Variants in TRMT61A observed in about 807,000 individuals in gnomAD.
The protein encoded by TRMT61A is tRNA methyltransferase 61A, also known as tRNA (adenine(58)-N(1))-methyltransferase catalytic subunit TRMT61A.
In TRMT61A, 15 loss-of-function variants were observed where a neutral mutation model predicts 21.3. The ratio of observed to expected loss-of-function variants is 0.70; its 90% CI spans 0.47 to 1.08. TRMT61A has a LOEUF of 1.08. Ranked by LOEUF, TRMT61A falls within the 50% of genes least tolerant of loss-of-function variation. TRMT61A has a pLI of 0.00. For missense variants in TRMT61A, 352 were observed against 426.7 expected (o/e 0.83, Z 1.54); for synonymous variants, 183 against 185.5 (o/e 0.99, Z 0.11).
At position 103,535,220 on chromosome 14, in the gene TRMT61A, G is replaced by T. The variant is rs1378487622; in HGVS notation, c.*399G>T. ...AGACCACGCTGCGTCTGACCCCTGG[G>T]CCCCCACGGCCCTGGCTGCCCCACG... On this transcript the variant is annotated 3_prime_UTR_variant, in exon 4 of 4. Coordinates refer to ENST00000389749, the MANE Select transcript of TRMT61A (RefSeq NM_152307.3). 2 of 472,260 alleles carry T rather than the reference G, an allele frequency of 4.2e-6. No individual in the cohort carries two copies. Among genetic ancestry groups the T allele is most frequent in the Non-Finnish European group, 8.4e-6 (2 of 238,340 alleles). The allele number at this position is 472,260 out of a possible 1,614,324, so 29.3% of individuals were successfully genotyped here.
intron 3 of TRMT61A, among the ~76,000 whole-genome samples, chr14:103,533,783 G>A (rs866707006): frequency 1.3e-5 from 2 of 152,224 alleles, no homozygotes; most frequent in Admixed American, 6.5e-5. Context: ...TGCCGGCCAC[G>A]GGAGCCCGCT....
In TRMT61A at chr14:103,533,235, G is replaced by A. The variant is rs77365779; in HGVS notation, c.598+387G>A. ...CCCTTTTAGGGAAGATGCTGGGTGC[G>A]GAGGCGGGGCAGCCCTGGGGAAGGT... On this transcript the variant is annotated intron_variant, in intron 3 of 3. Transcript: ENST00000389749. 4.7e-3 allele frequency among the ~76,000 whole-genome samples: 714 copies of A among 152,364 alleles called. 7 individuals are homozygous for A. Among genetic ancestry groups the A allele is most frequent in the African/African-American group, 0.016 (664 of 41,590 alleles).
At chr14:103,530,696 C>A (rs188033302) in intron 2 of TRMT61A, among the ~76,000 whole-genome samples, 1 of 152,340 alleles carries the variant, frequency 6.6e-6, no homozygotes, top group African/African-American at 2.4e-5. Flanking sequence ...AGGGCTACCC[C>A]GAGGAGCTCA....
Position 103,532,842 on chromosome 14 carries a change from G to A in TRMT61A, c.592G>A (p.Val198Ile), listed in dbSNP as rs2075959464. ...GGGCCACGCCTGGGACGCCCTCAAG[G>A]TCGAAGGTGCATCCGGGGTTCCGGG... ...AVGHAWDALK[V>I]EGGRFCSFSP... is the part of the protein sequence containing the mutation. The change falls in exon 3 of 4, where the codon GTC becomes ATC. Residue 198 changes from valine to isoleucine, a missense_variant. Physicochemically the swap from Val to Ile is conservative, Grantham distance 29 (BLOSUM62 3). Transcript: ENST00000389749. 1 of 1,552,536 alleles carries A rather than the reference G, an allele frequency of 6.4e-7. No individual in the cohort carries two copies. The highest frequency in any genetic ancestry group is 1.9e-5 in the Admixed American group (1 of 52,300).
intron 3 of TRMT61A, 107 bp downstream of exon 3, chr14:103,532,955 G>GGCAGTGGCCAGGCCAGGGCCCC: frequency 7.1e-7 from 1 of 1,406,928 alleles, no homozygotes; most frequent in South Asian, 1.5e-5. Flanking sequence ...GCCACACCAT[G>GGCAGTGGCCAGGCCAGGGCCCC]GCAGTGGCCA....
In TRMT61A at chr14:103,535,394, C is replaced by T; in HGVS notation, c.*573C>T. ...CCCAGGAACCAGGGAGGTGACCCTG[C>T]TCTCTGGCCTCCTGGCTGATGTCAC... On this transcript the variant is annotated 3_prime_UTR_variant, in exon 4 of 4. Coordinates refer to ENST00000389749, the MANE Select transcript of TRMT61A (RefSeq NM_152307.3). The T allele has an allele frequency of 2.2e-6, 1 of 454,662 alleles. No individual in the cohort carries two copies. Among genetic ancestry groups the T allele is most frequent in the Non-Finnish European group, 4.4e-6 (1 of 226,030 alleles). 28.2% of individuals were successfully genotyped at this position (454,662 alleles called of 1,614,324 possible). A position where few individuals can be genotyped will look rare whatever the true frequency, so the allele number is the denominator to read the frequency against.
Position 103,530,105 on chromosome 14 carries a change from C to T in TRMT61A, c.127C>T (p.Leu43=). The T allele has an allele frequency of 5.6e-6, 9 of 1,612,996 alleles. No individual in the cohort carries two copies. Among genetic ancestry groups the T allele is most frequent in the Non-Finnish European group, 7.6e-6 (9 of 1,180,026 alleles). Residue 43 remains leucine, a synonymous_variant, in exon 2 of 4, where the codon CTG becomes TTG. Transcript: ENST00000389749. The part of the protein sequence containing the change: ...GAQTQTRHGV[L]RHSVDLIGRP... ...ACAGACCCAGACCCGGCATGGTGTC[C>T]TGCGGCACTCAGTTGACCTTATCGG...
rs1360026528 is a variant in TRMT61A, at chr14:103,530,195, C to G, written c.217C>G (p.Pro73Ala). The stretch of plus-strand genomic sequence containing the variant: ...CTGGGTGTATGTGCTGCACCCCACG[C>G]CCGAGCTCTGGACGCTGAACCTGCC... Reference protein sequence around the residue: ...GGWVYVLHPTPELWTLNLPHR... With the variant: ...GGWVYVLHPTAELWTLNLPHR... Residue 73 changes from proline (P) to alanine (A), a missense_variant, in exon 2 of 4, where the codon CCC becomes GCC. Physicochemically the swap from Pro to Ala is conservative, Grantham distance 27 (BLOSUM62 -1). Transcript: ENST00000389749. 6.2e-7 allele frequency: 1 copy of G among 1,612,336 alleles called. No individual in the cohort carries two copies. Among genetic ancestry groups the G allele is most frequent in the Non-Finnish European group, 8.5e-7 (1 of 1,179,644 alleles).
At position 103,534,812 on chromosome 14, in the gene TRMT61A, C is replaced by T. The variant is rs1024854745; in HGVS notation, c.861C>T (p.Thr287=). ...GCTACCTGACCTTCGCCACCAAGAC[C>T]CCAGGCTAGGGGGCCGCCTCCCAGG... is the stretch of plus-strand genomic sequence containing the variant. ...HTGYLTFATK[T]PG The change falls in exon 4 of 4, where the codon ACC becomes ACT. Residue 287 remains threonine, a synonymous_variant. Coordinates refer to ENST00000389749, the MANE Select transcript of TRMT61A (RefSeq NM_152307.3). 1 of 1,551,346 alleles carries T rather than the reference C, an allele frequency of 6.4e-7. No individual in the cohort carries two copies. Among genetic ancestry groups the T allele is most frequent in the Non-Finnish European group, 8.7e-7 (1 of 1,151,442 alleles).
Position 103,532,681 on chromosome 14 carries a change from C to T in TRMT61A, c.431C>T (p.Ala144Val), listed in dbSNP as rs762768998. ...VEFHQQRAEK[A>V]REEFQEHRVG... is the part of the protein sequence containing the mutation. ...TTCCACCAGCAGCGGGCAGAGAAGG[C>T]CCGGGAGGAGTTCCAGGAGCACCGT... The change falls in exon 3 of 4, where the codon GCC becomes GTC. Residue 144 changes from alanine (A) to valine (V), a missense_variant. Ala to Val is a moderately conservative substitution (Grantham distance 64). Coordinates refer to ENST00000389749, the MANE Select transcript of TRMT61A (RefSeq NM_152307.3). The T allele has an allele frequency of 1.2e-6, 2 of 1,613,362 alleles. No individual in the cohort carries two copies. Among genetic ancestry groups the T allele is most frequent in the African/African-American group, 2.7e-5 (2 of 75,068 alleles).
chr14:103,534,513 C>G, intron 3 of TRMT61A, 37 bp from the exon 4 acceptor site: 1 of 1,529,960 alleles, frequency 6.5e-7, no homozygotes, highest in Non-Finnish European at 8.8e-7. Flanking sequence ...GGCTCTGCCA[C>G]CCCTGCCCTC....
Position 103,535,618 on chromosome 14 carries a change from C to T in TRMT61A, c.*797C>T, listed in dbSNP as rs953530790. 7.3e-5 allele frequency: 24 copies of T among 330,444 alleles called. No homozygotes were observed. Among genetic ancestry groups the T allele is most frequent in the South Asian group, 1.4e-4 (6 of 43,956 alleles). The allele number at this position is 330,444 out of a possible 1,614,324, so 20.5% of individuals were successfully genotyped here. ...GGTGTGAATGCCAGCCTGTGAGTCC[C>T]GGAACTATGTGGGTACCCCTACCCC... On this transcript the variant is annotated 3_prime_UTR_variant, in exon 4 of 4. Transcript: ENST00000389749.
rs1171596855 is a variant in TRMT61A, at chr14:103,535,052, CTGTT to C, written c.*236_*239del. 13 of 708,714 alleles carry C rather than the reference CTGTT, an allele frequency of 1.8e-5. No homozygotes were observed. Among genetic ancestry groups the C allele is most frequent in the Non-Finnish European group, 3.3e-5 (13 of 392,086 alleles). 43.9% of individuals were successfully genotyped at this position (708,714 alleles called of 1,614,324 possible). Reference sequence around the variant, plus strand: ...CCAGCCCTGTGGCCCATCCCAGCTGCTGTTTGTTGCCAATATGAAGTATCCACTG... The same window carrying C: ...CCAGCCCTGTGGCCCATCCCAGCTGCTGTTGCCAATATGAAGTATCCACTG... On this transcript the variant is annotated 3_prime_UTR_variant, in exon 4 of 4. Transcript: ENST00000389749.
intron 3 of TRMT61A, 51 bp from the exon 4 acceptor site, chr14:103,534,499 G>T (rs750898648): frequency 2.6e-5 from 40 of 1,520,606 alleles, no homozygotes; most frequent in Non-Finnish European, 3.1e-5. Context: ...GGCCAGACGG[G>T]CCAGGCTCTG....
At chr14:103,534,256 G>A (rs2075965037) in intron 3 of TRMT61A, among the ~76,000 whole-genome samples, 1 of 152,274 alleles carries the variant, frequency 6.6e-6, no homozygotes, top group Non-Finnish European at 1.5e-5. Flanking sequence ...AGTGCCCGCT[G>A]TGGGCCAAGT....
At chr14:103,532,941 C>T (rs2075959917) in intron 3 of TRMT61A, 93 bp downstream of exon 3, 1 of 1,436,656 alleles carries the variant, frequency 7.0e-7, no homozygotes, top group African/African-American at 1.4e-5. Flanking sequence ...GGTCCAGAGA[C>T]CAAGCCACAC....
chr14:103,529,953 C>T lies in TRMT61A; in HGVS notation c.-26C>T. The T allele has an allele frequency of 6.3e-7, 1 of 1,579,344 alleles. No homozygotes were observed. ...GCCTACACACACCCCTCCCCAGGTC[C>T]TTGGCCCTTGCCAGACATTAGCACC... On this transcript the variant is annotated 5_prime_UTR_variant, in exon 2 of 4. Coordinates refer to ENST00000389749, the MANE Select transcript of TRMT61A (RefSeq NM_152307.3).
chr14:103,529,223 G>C lies in TRMT61A; in HGVS notation c.-68G>C. On this transcript the variant is annotated 5_prime_UTR_variant, in exon 1 of 4. Transcript: ENST00000389749. ...TGTGGCCGCCGCCGCCGCGCGTCGC[G>C]GAGGCACGTGTGGAGCCCCGGCAGC... 1 of 303,266 alleles carries C rather than the reference G, an allele frequency of 3.3e-6. No homozygotes were observed. The highest frequency in any genetic ancestry group is 2.3e-5 in the South Asian group (1 of 44,390). 18.8% of individuals were successfully genotyped at this position (303,266 alleles called of 1,614,324 possible).
chr14:103,530,297 G>T lies in TRMT61A; in HGVS notation c.319G>T (p.Val107Phe), dbSNP rs774949247. The change falls in exon 2 of 4, where the codon GTC becomes TTC. Residue 107 changes from valine to phenylalanine, a missense_variant. By Grantham distance (50) the Val-to-Phe change is conservative. Coordinates refer to ENST00000389749, the MANE Select transcript of TRMT61A (RefSeq NM_152307.3). Reference protein sequence around the residue: ...MMLELRPGSVVCESGTGSGSV... With the variant: ...MMLELRPGSVFCESGTGSGSV... ...GTTGGAGCTTCGGCCCGGCTCTGTG[G>T]TCTGTGAGTCTGGTGAGTTCCTCAG... The T allele has an allele frequency of 6.9e-6, 11 of 1,584,516 alleles. No individual in the cohort carries two copies. The highest frequency in any genetic ancestry group is 9.5e-6 in the Non-Finnish European group (11 of 1,157,352).
Sources: allele counts gnomAD v4.1 joint callset (sites outside exome capture counted in the v4.1 genomes callset), GRCh38; gene constraint gnomAD v4.1.1; transcripts MANE v1.5; gene names NCBI Gene and HGNC (gene_info 2026-07-23, HGNC 2026-07-21).